Variants in MMP16 observed in about 807,000 individuals in gnomAD.
MMP16 encodes the protein matrix metallopeptidase 16.
Under a neutral mutation model 67.8 loss-of-function variants are expected in MMP16, and 12 were observed. The observed-to-expected ratio is 0.18, with a 90% CI of 0.11 to 0.29. The LOEUF (loss-of-function observed/expected upper bound fraction) is 0.29, where lower values mean the gene tolerates loss of function less well. Ranked by LOEUF, MMP16 falls within the 10% of genes least tolerant of loss-of-function variation. MMP16 has a pLI of 1.00. For synonymous variants in MMP16, 249 were observed against 255.9 expected, an observed-to-expected ratio of 0.97 and a Z score of 0.26; for missense variants, 475 against 765.7, an observed-to-expected ratio of 0.62 and a Z score of 4.48.
At chr8:88,063,482 CTT>C (rs147148394) in intron 7 of MMP16, among the ~76,000 whole-genome samples, 2 of 136,776 alleles carry the variant, frequency 1.5e-5, no homozygotes, top group African/African-American at 2.7e-5. Context: ...ACCTAATAAC[CTT>C]TTTTTTTTTT....
At chr8:88,170,749 C>A (rs889365204) in intron 3 of MMP16, among the ~76,000 whole-genome samples, 1 of 152,076 alleles carries the variant, frequency 6.6e-6, no homozygotes, top group African/African-American at 2.4e-5. Flanking sequence ...GAGTTTCCAG[C>A]CAGAGGGAAT....
intron 4 of MMP16, among the ~76,000 whole-genome samples, chr8:88,165,766 C>A (rs1431216784): frequency 6.6e-6 from 1 of 152,080 alleles, no homozygotes; most frequent in Non-Finnish European, 1.5e-5. Context: ...ACCTACAATG[C>A]TTACAGACCT....
chr8:88,200,575 T>A (rs140868764), intron 1 of MMP16, among the ~76,000 whole-genome samples: 1 of 152,080 alleles, frequency 6.6e-6, no homozygotes, highest in African/African-American at 2.4e-5. Context: ...CTCTGCAGAG[T>A]AAGATGATAT....
At chr8:88,142,880 C>T (rs1272278796) in intron 4 of MMP16, among the ~76,000 whole-genome samples, 1 of 151,906 alleles carries the variant, frequency 6.6e-6, no homozygotes, top group African/African-American at 2.4e-5. Flanking sequence ...AATTAATTCT[C>T]GATTGTTCTA....
At chr8:88,264,377 T>A (rs1454856571) in intron 1 of MMP16, among the ~76,000 whole-genome samples, 2 of 152,064 alleles carry the variant, frequency 1.3e-5, no homozygotes, top group African/African-American at 2.4e-5. Context: ...TTTTTAAAAA[T>A]TTTTTTAGAG....
At chr8:88,060,168 T>C (rs1172338572) in intron 7 of MMP16, among the ~76,000 whole-genome samples, 1 of 152,072 alleles carries the variant, frequency 6.6e-6, no homozygotes, top group Non-Finnish European at 1.5e-5. Context: ...CTGTTCAACG[T>C]AAAATTGTGA....
At chr8:88,127,837 A>G (rs1189644994) in intron 4 of MMP16, among the ~76,000 whole-genome samples, 2 of 151,920 alleles carry the variant, frequency 1.3e-5, no homozygotes, top group East Asian at 3.9e-4. Flanking sequence ...CAACACATCT[A>G]GATTGTAGTT....
intron 1 of MMP16, among the ~76,000 whole-genome samples, chr8:88,309,256 TTAAA>T (rs1811259016): frequency 6.6e-6 from 1 of 152,054 alleles, no homozygotes; most frequent in Non-Finnish European, 1.5e-5. Context: ...TTGGCAATGG[TTAAA>T]TAAATTACAA....
intron 1 of MMP16, among the ~76,000 whole-genome samples, chr8:88,207,419 C>A (rs144660410): frequency 1.3e-3 from 193 of 152,276 alleles, no homozygotes; most frequent in African/African-American, 4.1e-3. Flanking sequence ...TGTCTCTCCA[C>A]TTAATTGCAT....
rs767927441 is a variant in MMP16 at position 88,038,134 on chromosome 8, T to C, written c.*3327A>G. On this transcript the variant is annotated 3_prime_UTR_variant, in exon 10 of 10. Coordinates refer to ENST00000286614, the MANE Select transcript of MMP16 (RefSeq NM_005941.5). This position sits in a 1 kb window ranked among gnomAD's most constrained non-coding sequence, Gnocchi z 4.1. ...TGAGACTTTTTTCCCAAACCTCATG[T>C]AGAAGAGGAGTCAGGAACCATACCC... The C allele has an allele frequency of 1.6e-4, 24 of 152,020 alleles. No homozygotes were observed. Among genetic ancestry groups the C allele is most frequent in the Non-Finnish European group, 2.8e-4 (19 of 67,912 alleles). The allele number at this position is 152,020 out of a possible 1,614,324, so 9.4% of individuals were successfully genotyped here.
chr8:88,161,359 T>A (rs1383213348), intron 4 of MMP16, among the ~76,000 whole-genome samples: 1 of 152,186 alleles, frequency 6.6e-6, no homozygotes, highest in Non-Finnish European at 1.5e-5. Flanking sequence ...TATTCTCTGA[T>A]GGTAGTTTGT....
At chr8:88,304,941 A>G (rs1811190607) in intron 1 of MMP16, among the ~76,000 whole-genome samples, 2 of 152,222 alleles carry the variant, frequency 1.3e-5, no homozygotes, top group South Asian at 2.1e-4. Flanking sequence ...AAATTCACAC[A>G]TAACAATACT....
intron 1 of MMP16, among the ~76,000 whole-genome samples, chr8:88,233,268 AT>A (rs1292227827): frequency 6.6e-6 from 1 of 152,100 alleles, no homozygotes; most frequent in African/African-American, 2.4e-5. Context: ...CAGATAAATT[AT>A]TTGCATCTAA....
At chr8:88,149,030 G>C (rs963411986) in intron 4 of MMP16, among the ~76,000 whole-genome samples, 1 of 152,206 alleles carries the variant, frequency 6.6e-6, no homozygotes, top group Non-Finnish European at 1.5e-5. Context: ...AAAGCAGGGC[G>C]AGGCATTGCC....
At chr8:88,279,579 A>C (rs1251802149) in intron 1 of MMP16, among the ~76,000 whole-genome samples, 2 of 152,194 alleles carry the variant, frequency 1.3e-5, no homozygotes, top group East Asian at 3.9e-4. Flanking sequence ...AAGCATCAGC[A>C]AAATTTGGAG....
intron 8 of MMP16, among the ~76,000 whole-genome samples, chr8:88,049,656 A>G (rs1808244875): frequency 6.6e-6 from 1 of 152,184 alleles, no homozygotes; most frequent in Admixed American, 6.5e-5. Flanking sequence ...AAATAATGAC[A>G]TATTTTAACA....
chr8:88,250,603 A>G (rs1055651551), intron 1 of MMP16, among the ~76,000 whole-genome samples: 3 of 151,980 alleles, frequency 2.0e-5, no homozygotes, highest in Non-Finnish European at 4.4e-5. Context: ...TCTATCCTAT[A>G]CAAACTACTC....
At chr8:88,113,195 T>C (rs1270405250) in intron 6 of MMP16, among the ~76,000 whole-genome samples, 28 of 151,694 alleles carry the variant, frequency 1.8e-4, no homozygotes, top group Admixed American at 1.7e-3. Context: ...TAAGAAATAA[T>C]TACAGAAGAC....
chr8:88,229,765 G>A (rs973122845), intron 1 of MMP16, among the ~76,000 whole-genome samples: 2 of 151,920 alleles, frequency 1.3e-5, no homozygotes, highest in Non-Finnish European at 2.9e-5. Context: ...TTCAAGATTA[G>A]TTGATGTGAA....
Sources: allele counts gnomAD v4.1 joint callset (sites outside exome capture counted in the v4.1 genomes callset), GRCh38; gene constraint gnomAD v4.1.1; non-coding constraint Gnocchi (gnomAD v3.1); transcripts MANE v1.5; gene names NCBI Gene and HGNC (gene_info 2026-07-23, HGNC 2026-07-21).